Variants in TSPAN17 observed in about 807,000 individuals in gnomAD.
TSPAN17 encodes tetraspanin 17, also known as tetraspanin-17.
In TSPAN17, 33 loss-of-function variants were observed where a neutral mutation model predicts 40.5. That is an observed-to-expected ratio of 0.81 (90% CI 0.62 to 1.09). The LOEUF is 1.09. Ranked by LOEUF, TSPAN17 falls within the 50% of genes least tolerant of loss-of-function variation. The probability of loss-of-function intolerance (pLI) is 0.00; values close to 1 mark genes in which losing one functional copy is unlikely to be tolerated. For missense variants in TSPAN17, 365 were observed against 416.8 expected, an observed-to-expected ratio of 0.88 and a Z score of 1.08; for synonymous variants, 166 against 169.4, an observed-to-expected ratio of 0.98 and a Z score of 0.15.
chr5:176,648,456 C>G (rs1238302641), intron 1 of TSPAN17, among the ~76,000 whole-genome samples: 1 of 152,254 alleles, frequency 6.6e-6, no homozygotes, highest in African/African-American at 2.4e-5. Flanking sequence ...CCTGCCAGGT[C>G]ATTTTTCCCA....
intron 3 of TSPAN17, 61 bp from the exon 4 acceptor site, chr5:176,652,682 C>T: frequency 6.4e-7 from 1 of 1,556,450 alleles, no homozygotes; most frequent in Non-Finnish European, 8.8e-7. Context: ...CACACCCAAG[C>T]CCTGGGAGGT....
Position 176,651,526 on chromosome 5 carries a change from G to A in TSPAN17, c.88-90G>A, listed in dbSNP as rs1760961774. On this transcript the variant is annotated intron_variant, in intron 1 of 8. Coordinates refer to ENST00000508164, the MANE Select transcript of TSPAN17 (RefSeq NM_130465.5). This position sits in a 1 kb window ranked among gnomAD's most constrained non-coding sequence, Gnocchi z 4.5. ...AGCCCTTGTGCCTCTTCCTCTCTCC[G>A]CTGGAAAGGCCCTGGCTACCGGGGA... is the stretch of plus-strand genomic sequence containing the variant. The A allele has an allele frequency of 6.4e-6, 9 of 1,415,310 alleles. No homozygotes were observed. In the Admixed American group the frequency reaches 1.5e-4, roughly 23 times the overall value. The allele number at this position is 1,415,310 out of a possible 1,614,324, so 87.7% of individuals were successfully genotyped here.
At chr5:176,652,322 C>A (rs1047846913) in intron 3 of TSPAN17, among the ~76,000 whole-genome samples, 3 of 152,174 alleles carry the variant, frequency 2.0e-5, no homozygotes, top group African/African-American at 7.2e-5. Flanking sequence ...ACCGTTTTCC[C>A]AAAGTGCTTT....
chr5:176,651,264 G>A lies in TSPAN17; in HGVS notation c.88-352G>A, dbSNP rs952353680. ...GCCTGGAACCCCAGCACCAGCTTCGGTCAGGTGTAGAGGCTCAGTATACTG... is the reference window on the plus strand; with the variant it reads ...GCCTGGAACCCCAGCACCAGCTTCGATCAGGTGTAGAGGCTCAGTATACTG... On this transcript the variant is annotated intron_variant, in intron 1 of 8. Coordinates refer to ENST00000508164, the MANE Select transcript of TSPAN17 (RefSeq NM_130465.5). The surrounding 1 kb of genome is among the most constrained non-coding windows in gnomAD (Gnocchi z 4.5). Among the ~76,000 whole-genome samples the A allele has an allele frequency of 6.6e-6, 1 of 152,168 alleles. No homozygotes were observed. Among genetic ancestry groups the A allele is most frequent in the African/African-American group, 2.4e-5 (1 of 41,436 alleles).
chr5:176,655,734 C>CAAA (rs11420495), intron 5 of TSPAN17, among the ~76,000 whole-genome samples: 8 of 125,820 alleles, frequency 6.4e-5, no homozygotes, highest in African/African-American at 1.9e-4. Context: ...CTCGTGTCTA[C>CAAA]AAAAAAAAAA....
chr5:176,657,617 C>G lies in TSPAN17; in HGVS notation c.909C>G (p.Ala303=). The G allele has an allele frequency of 6.2e-7, 1 of 1,613,638 alleles. No individual in the cohort carries two copies. Among genetic ancestry groups the G allele is most frequent in the Non-Finnish European group, 8.5e-7 (1 of 1,179,896 alleles). ...CTCAGCAGAACTCTCTGACTGGGGC[C>G]CCTGGCCCGGCCCCACCCAGCCGAC... is the stretch of plus-strand genomic sequence containing the variant. ...AGPQQNSLTG[A]PGPAPPSRHV... Residue 303 remains alanine (A), a synonymous_variant, in exon 9 of 9, where the codon GCC becomes GCG. Transcript: ENST00000508164.
intron 5 of TSPAN17, 66 bp downstream of exon 5, chr5:176,655,086 A>G (rs1338334459): frequency 6.5e-7 from 1 of 1,530,882 alleles, no homozygotes; most frequent in African/African-American, 1.4e-5. Context: ...GAAACCTCCC[A>G]CAGGGCCCCG....
chr5:176,655,095 C>T (rs915240703), intron 5 of TSPAN17, 75 bp downstream of exon 5: 67 of 1,510,628 alleles, frequency 4.4e-5, no homozygotes, highest in South Asian at 1.2e-4. Context: ...CACAGGGCCC[C>T]GCTCCGCTCT....
intron 1 of TSPAN17, among the ~76,000 whole-genome samples, chr5:176,648,000 G>A (rs995229074): frequency 9.9e-5 from 15 of 152,166 alleles, no homozygotes; most frequent in South Asian, 2.1e-4. Flanking sequence ...CCAGGGGCGT[G>A]CTAGGTGCAG....
In TSPAN17 at chr5:176,651,262, C is replaced by T. The variant is rs1428489113; in HGVS notation, c.88-354C>T. ...GAGCCTGGAACCCCAGCACCAGCTT[C>T]GGTCAGGTGTAGAGGCTCAGTATAC... On this transcript the variant is annotated intron_variant, in intron 1 of 8. Transcript: ENST00000508164. This position sits in a 1 kb window ranked among gnomAD's most constrained non-coding sequence, Gnocchi z 4.5. Among the ~76,000 whole-genome samples, 1 of 152,142 alleles carries T rather than the reference C, an allele frequency of 6.6e-6. No homozygotes were observed. The highest frequency in any genetic ancestry group is 1.5e-5 in the Non-Finnish European group (1 of 68,022).
rs73806066 is a variant in TSPAN17 at position 176,656,394 on chromosome 5, G to A, written c.630+269G>A. Among the ~76,000 whole-genome samples the A allele has an allele frequency of 3.1e-3, 478 of 152,332 alleles. 3 individuals are homozygous for A. The highest frequency in any genetic ancestry group is 7.8e-3 in the African/African-American group (323 of 41,578). ...GAGATTTGGTGCTCATGAGACAGTC[G>A]GCTCTGGAGGAGTGGAGGGAGAAAG... On this transcript the variant is annotated intron_variant, in intron 6 of 8. Coordinates refer to ENST00000508164, the MANE Select transcript of TSPAN17 (RefSeq NM_130465.5).
At chr5:176,657,022 C>G (rs532280960) in intron 8 of TSPAN17, 66 bp downstream of exon 8, 2 of 1,500,544 alleles carry the variant, frequency 1.3e-6, no homozygotes, top group Non-Finnish European at 1.8e-6. Flanking sequence ...CCCCCCAGGA[C>G]CCTCCTACTA....
chr5:176,655,090 G>A, intron 5 of TSPAN17, 70 bp downstream of exon 5: 1 of 1,524,972 alleles, frequency 6.6e-7, no homozygotes, highest in Non-Finnish European at 8.8e-7. Context: ...CCTCCCACAG[G>A]GCCCCGCTCC....
At chr5:176,655,540 G>T (rs756420455) in intron 5 of TSPAN17, among the ~76,000 whole-genome samples, 80 of 152,088 alleles carry the variant, frequency 5.3e-4, no homozygotes, top group Admixed American at 2.1e-3. Context: ...CAAGGACCAG[G>T]TTTCTCCCCA....
chr5:176,655,733 A>AC (rs1344474008), intron 5 of TSPAN17, among the ~76,000 whole-genome samples: 1 of 64,158 alleles, frequency 1.6e-5, no homozygotes, highest in African/African-American at 4.6e-5. Context: ...CCTCGTGTCT[A>AC]CAAAAAAAAA....
intron 5 of TSPAN17, among the ~76,000 whole-genome samples, chr5:176,655,265 C>T (rs1761111089): frequency 6.6e-6 from 1 of 152,176 alleles, no homozygotes. Context: ...TGGGGACTGG[C>T]CTGGAGGCCT....
chr5:176,656,126 G>T lies in TSPAN17; in HGVS notation c.630+1G>T, dbSNP rs1561588292. On this transcript the variant is annotated splice_donor_variant, in intron 6 of 8. Coordinates refer to ENST00000508164, the MANE Select transcript of TSPAN17 (RefSeq NM_130465.5). LOFTEE classifies it high-confidence loss of function. ...TGGCTACGACGTCCGGCTCAAACTG[G>T]TGAGAGGGGTAGGAACCGGGCTGGG... 1 of 1,614,158 alleles carries T rather than the reference G, an allele frequency of 6.2e-7. No homozygotes were observed. The highest frequency in any genetic ancestry group is 8.5e-7 in the Non-Finnish European group (1 of 1,180,008).
At chr5:176,653,037 A>G (rs1761031226) in intron 4 of TSPAN17, 124 bp downstream of exon 4, 1 of 1,023,608 alleles carries the variant, frequency 9.8e-7, no homozygotes, top group Non-Finnish European at 1.5e-6. Context: ...CCCAGGAGAG[A>G]GACCCAGGAG....
intron 4 of TSPAN17, chr5:176,653,363 A>G (rs765980468): frequency 1.4e-4 from 23 of 159,590 alleles, no homozygotes; most frequent in Non-Finnish European, 2.4e-4. Context: ...TCTCTCATTT[A>G]TACTATGTTT....
Sources: gnomAD v4.1 joint callset for allele counts (sites outside exome capture counted in the v4.1 genomes callset) on GRCh38, gnomAD v4.1.1 for gene constraint, Gnocchi (gnomAD v3.1) non-coding constraint, MANE v1.5 for transcripts, NCBI Gene and HGNC (gene_info 2026-07-23, HGNC 2026-07-21) for gene names.